The following CABIN1 variants were observed in gnomAD, a reference collection of about 807,000 sequenced individuals.
The protein encoded by CABIN1 is calcineurin-binding protein cabin-1.
A neutral mutation model predicts 227.7 loss-of-function variants in CABIN1; 133 were observed. The observed-to-expected ratio is 0.58, with a 90% CI of 0.51 to 0.67. The LOEUF (loss-of-function observed/expected upper bound fraction) is 0.67. Ranked by LOEUF, CABIN1 falls within the 30% of genes least tolerant of loss-of-function variation. The pLI is 0.00. For missense variants in CABIN1, 2,408 were observed against 2,852.5 expected (o/e 0.84, Z 3.55); for synonymous variants, 1,086 against 1,155.1 (o/e 0.94, Z 1.21).
chr22:24,052,203 C>G (rs997596628), intron 8 of CABIN1, among the ~76,000 whole-genome samples: 1 of 152,124 alleles, frequency 6.6e-6, no homozygotes, highest in African/African-American at 2.4e-5. Context: ...CGTGGCCACC[C>G]TCCATGGTGT....
In CABIN1 at chr22:24,108,077, G is replaced by T. The variant is rs1291619636; in HGVS notation, c.4118-5489G>T. On this transcript the variant is annotated intron_variant, in intron 26 of 36. Transcript: ENST00000263119. ...AATGCTGCAGGGCTGTCACTTGTGT[G>T]CAGGGCACTAGCCACGCCTTTGTGG... 3.9e-5 allele frequency among the ~76,000 whole-genome samples: 6 copies of T among 152,240 alleles called. No individual in the cohort carries two copies. The East Asian group carries it at 9.6e-4, about 24-fold the overall frequency.
rs2047188566 is a variant in CABIN1, at chr22:24,177,615, G to C, written c.6317G>C (p.Ser2106Thr). Residue 2106 changes from serine (S) to threonine (T), a missense_variant, in exon 36 of 37, where the codon AGT (serine) becomes ACT (threonine). Physicochemically the swap from Ser to Thr is moderately conservative, Grantham distance 58. Around this residue, in one of 3 missense-constraint regions of CABIN1, gnomAD observed 714 missense variants for 773.8 expected, o/e 0.92. Transcript: ENST00000263119. This position sits in a 1 kb window ranked among gnomAD's most constrained non-coding sequence, Gnocchi z 4.4. ...GCTGCCAGCTCCAAGGCCCCCAGCAGTGGGAGTGCCCAGCCACCAGAGGGT... is the reference window on the plus strand; with the variant it reads ...GCTGCCAGCTCCAAGGCCCCCAGCACTGGGAGTGCCCAGCCACCAGAGGGT... ...PTAASSKAPS[S>T]GSAQPPEGHP... 2 of 1,612,954 alleles carry C rather than the reference G, an allele frequency of 1.2e-6. No individual in the cohort carries two copies. The highest frequency in any genetic ancestry group is 1.3e-5 in the African/African-American group (1 of 74,900).
At position 24,063,120 on chromosome 22, in the gene CABIN1, C is replaced by A; in HGVS notation, c.1858C>A (p.Leu620Met). 1 of 1,614,152 alleles carries A rather than the reference C, an allele frequency of 6.2e-7. No homozygotes were observed. Among genetic ancestry groups the A allele is most frequent in the Non-Finnish European group, 8.5e-7 (1 of 1,180,006 alleles). Residue 620 changes from leucine to methionine, a missense_variant, in exon 14 of 37, where the codon CTG becomes ATG. Leu to Met is a conservative substitution (Grantham distance 15). Transcript: ENST00000263119. ...WLEFVVRVYW[L>M]KARFLALQGD... ...GGAGTTTGTGGTCCGTGTTTACTGGCTGAAGGCTCGCTTCCTGGCGCTGCA... is the reference window on the plus strand; with the variant it reads ...GGAGTTTGTGGTCCGTGTTTACTGGATGAAGGCTCGCTTCCTGGCGCTGCA...
chr22:24,066,805 T>A (rs2039713546), intron 15 of CABIN1, among the ~76,000 whole-genome samples, 182 bp from the exon 16 acceptor site: 1 of 152,236 alleles, frequency 6.6e-6, no homozygotes, highest in African/African-American at 2.4e-5. Flanking sequence ...AGAAATACTT[T>A]TAACACATAC....
chr22:24,085,302 CT>C (rs2041079414), intron 22 of CABIN1, 151 bp downstream of exon 22: 1 of 878,576 alleles, frequency 1.1e-6, no homozygotes, highest in African/African-American at 1.7e-5. Flanking sequence ...TAGCACTTTG[CT>C]GTTGTTAGGA....
chr22:24,074,793 G>T (rs996457650), intron 18 of CABIN1, among the ~76,000 whole-genome samples: 1 of 152,176 alleles, frequency 6.6e-6, no homozygotes, highest in Admixed American at 6.5e-5. Context: ...GAAAATCGTA[G>T]AACTGAGGAA....
At chr22:24,074,176 C>G (rs6004055) in intron 18 of CABIN1, among the ~76,000 whole-genome samples, 17,071 of 151,776 alleles carry the variant, frequency 0.11, 1,086 homozygotes, top group African/African-American at 0.16. Flanking sequence ...AAAAATAACA[C>G]GAAAAGACTT....
intron 34 of CABIN1, among the ~76,000 whole-genome samples, chr22:24,174,706 A>G (rs2047009705): frequency 6.6e-6 from 1 of 152,098 alleles, no homozygotes; most frequent in Admixed American, 6.5e-5. Context: ...TGGCAGCCTC[A>G]GGTCCTCACT....
At chr22:24,114,001 A>C (rs977440697) in intron 27 of CABIN1, among the ~76,000 whole-genome samples, 1 of 152,196 alleles carries the variant, frequency 6.6e-6, no homozygotes, top group African/African-American at 2.4e-5. Context: ...TGTTGTTGTT[A>C]TGACCCTCAC....
At chr22:24,035,645 G>C in intron 2 of CABIN1, 125 bp downstream of exon 2, 1 of 1,242,266 alleles carries the variant, frequency 8.0e-7, no homozygotes, top group Non-Finnish European at 1.2e-6. Flanking sequence ...TTCCTCCCAG[G>C]AAGGCTGTTG....
intron 26 of CABIN1, among the ~76,000 whole-genome samples, chr22:24,102,756 C>T (rs1016468441): frequency 4.6e-5 from 7 of 152,044 alleles, no homozygotes; most frequent in Non-Finnish European, 8.8e-5. Context: ...AGGCTGGTAT[C>T]CACCAAGGGT....
At chr22:24,069,686 C>T (rs2039948972) in intron 16 of CABIN1, among the ~76,000 whole-genome samples, 1 of 152,202 alleles carries the variant, frequency 6.6e-6, no homozygotes, top group African/African-American at 2.4e-5. Context: ...CCAGTGGCCT[C>T]CTGGTAAAGG....
chr22:24,044,884 C>T (rs559880332), intron 6 of CABIN1, among the ~76,000 whole-genome samples: 68 of 151,106 alleles, frequency 4.5e-4, no homozygotes, highest in African/African-American at 1.6e-3. Context: ...GAAGCCGTCT[C>T]TGTACCTCTT....
At chr22:24,171,350 G>C (rs549672094) in intron 33 of CABIN1, among the ~76,000 whole-genome samples, 1 of 152,216 alleles carries the variant, frequency 6.6e-6, no homozygotes, top group African/African-American at 2.4e-5. Flanking sequence ...CCTGGGTTGG[G>C]AGCTGCACCC....
intron 28 of CABIN1, among the ~76,000 whole-genome samples, chr22:24,126,965 C>T (rs1196344852): frequency 6.6e-6 from 1 of 150,640 alleles, no homozygotes. Context: ...TGCCACTGCC[C>T]TCCAGCCTGG....
intron 26 of CABIN1, among the ~76,000 whole-genome samples, chr22:24,111,677 A>G (rs1033473089): frequency 1.1e-4 from 16 of 152,260 alleles, no homozygotes; most frequent in African/African-American, 3.9e-4. Flanking sequence ...ATTGTACTGC[A>G]TATCACTAGC....
chr22:24,116,285 G>C (rs954953886), intron 27 of CABIN1, among the ~76,000 whole-genome samples: 80 of 152,280 alleles, frequency 5.3e-4, no homozygotes, highest in African/African-American at 1.9e-3. Flanking sequence ...TTAAACACAA[G>C]CCCACTCTAT....
intron 3 of CABIN1, among the ~76,000 whole-genome samples, chr22:24,037,738 A>T (rs562322928): frequency 6.6e-6 from 1 of 152,232 alleles, no homozygotes; most frequent in East Asian, 1.9e-4. Flanking sequence ...CACTAGCTAC[A>T]CAGAGTTAGT....
intron 31 of CABIN1, 58 bp downstream of exon 31, chr22:24,165,684 C>T (rs1387855530): frequency 2.8e-6 from 4 of 1,439,388 alleles, no homozygotes; most frequent in Non-Finnish European, 3.9e-6. Flanking sequence ...CCAAGCCCTT[C>T]CCAGGTGGTG....
Sources: gnomAD v4.1 joint callset for allele counts (sites outside exome capture counted in the v4.1 genomes callset) on GRCh38, gnomAD v4.1.1 for gene constraint, gnomAD v4.1.1 regional missense constraint, Gnocchi (gnomAD v3.1) non-coding constraint, MANE v1.5 for transcripts, NCBI Gene and HGNC (gene_info 2026-07-23, HGNC 2026-07-21) for gene names.